The following GMDS variants were observed in gnomAD, a reference collection of about 807,000 sequenced individuals.
GMDS encodes the protein GDP-mannose 4,6 dehydratase.
GMDS carries 20 observed loss-of-function variants against 49.9 expected under a neutral mutation model. That is an observed-to-expected ratio of 0.40 (90% CI 0.28 to 0.58). The LOEUF is 0.58. Ranked by LOEUF, GMDS falls within the 20% of genes least tolerant of loss-of-function variation. The probability of loss-of-function intolerance (pLI) is 0.42; values close to 1 mark genes in which losing one functional copy is unlikely to be tolerated. For synonymous variants in GMDS, 177 were observed against 178.6 expected (o/e 0.99, Z 0.07); for missense variants, 362 against 481.4 (o/e 0.75, Z 2.32).
At chr6:2,097,771 T>C (rs1278547667) in intron 4 of GMDS, among the ~76,000 whole-genome samples, 4 of 152,166 alleles carry the variant, frequency 2.6e-5, no homozygotes, top group African/African-American at 7.2e-5. Flanking sequence ...GCTGTTTGAC[T>C]GTAGAAAAGA....
intron 1 of GMDS, among the ~76,000 whole-genome samples, chr6:2,169,635 A>AC (rs1447284491): frequency 1.3e-5 from 2 of 151,806 alleles, no homozygotes; most frequent in Non-Finnish European, 2.9e-5. Context: ...AAAAAAAAAA[A>AC]ACAAAAAAAA....
intron 7 of GMDS, among the ~76,000 whole-genome samples, chr6:1,865,216 T>C (rs1464194656): frequency 6.6e-6 from 1 of 152,220 alleles, no homozygotes; most frequent in East Asian, 1.9e-4. Context: ...CCTCTTCATT[T>C]TGTCCTTAAT....
At chr6:2,113,012 C>G (rs187760128) in intron 4 of GMDS, among the ~76,000 whole-genome samples, 20 of 152,250 alleles carry the variant, frequency 1.3e-4, no homozygotes, top group Admixed American at 1.2e-3. Flanking sequence ...CAGCTCTGTA[C>G]CCTAGATCTC....
chr6:2,081,155 T>C (rs1772668878), intron 4 of GMDS, among the ~76,000 whole-genome samples: 1 of 152,134 alleles, frequency 6.6e-6, no homozygotes, highest in South Asian at 2.1e-4. Context: ...TTCTATATTT[T>C]AAACTTTTGA....
intron 4 of GMDS, among the ~76,000 whole-genome samples, chr6:2,024,745 T>C (rs979306947): frequency 6.6e-6 from 1 of 151,890 alleles, no homozygotes; most frequent in Non-Finnish European, 1.5e-5. Flanking sequence ...ATTAACAAGA[T>C]AGAACTCATC....
chr6:2,043,284 C>T (rs1769795976), intron 4 of GMDS: 1 of 152,248 alleles, frequency 6.6e-6, no homozygotes, highest in African/African-American at 2.4e-5. Flanking sequence ...AACAGGGCTC[C>T]TGCAAATCTT....
intron 4 of GMDS, among the ~76,000 whole-genome samples, chr6:2,013,338 C>A (rs1199061915): frequency 2.0e-5 from 3 of 152,098 alleles, no homozygotes; most frequent in African/African-American, 7.2e-5. Context: ...TAAAACCTCA[C>A]ACTAAAAGCT....
chr6:1,897,231 C>T lies in GMDS; in HGVS notation c.771+32872G>A, dbSNP rs2113851437. Reference sequence around the variant, plus strand: ...CCTGTGTCCTCACATGGCCTTTCCTCAGTGTGCACGTACTCCTGGGGTCTC... The same window carrying T: ...CCTGTGTCCTCACATGGCCTTTCCTTAGTGTGCACGTACTCCTGGGGTCTC... On this transcript the variant is annotated intron_variant, in intron 7 of 10. Transcript: ENST00000380815. Among the ~76,000 whole-genome samples the T allele has an allele frequency of 1.3e-5, 2 of 152,324 alleles. 1 individual carries two copies. The highest frequency in any genetic ancestry group is 1.3e-4 in the Admixed American group (2 of 15,304).
intron 7 of GMDS, among the ~76,000 whole-genome samples, chr6:1,801,130 C>T (rs1769933027): frequency 6.6e-6 from 1 of 152,180 alleles, no homozygotes; most frequent in African/African-American, 2.4e-5. Context: ...ATAGCCTGCC[C>T]AGAGCTGTAA....
At position 1,878,919 on chromosome 6, in the gene GMDS, C is replaced by A. The variant is rs116882961; in HGVS notation, c.771+51184G>T. Among the ~76,000 whole-genome samples the A allele has an allele frequency of 3.9e-5, 6 of 152,292 alleles. No individual in the cohort carries two copies. The East Asian group carries it at 1.2e-3, about 29-fold the overall frequency. ...ATATACCTGGGCCCTGAGCTATCAT[C>A]AGCCTCACCACTGGTGATTATACTT... On this transcript the variant is annotated intron_variant, in intron 7 of 10. Transcript: ENST00000380815.
chr6:2,140,040 A>G (rs1581702805), intron 1 of GMDS, among the ~76,000 whole-genome samples: 1 of 152,176 alleles, frequency 6.6e-6, no homozygotes, highest in African/African-American at 2.4e-5. Context: ...TTAATGCAGC[A>G]GGCTAAAAAA....
Position 2,016,286 on chromosome 6 carries a change from G to A in GMDS, c.346-55320C>T, listed in dbSNP as rs138141900. ...AAAAAAAAAAAAGCAGAAAGCAGAC[G>A]ATGAAAAAACAGACAATTGTCCAGA... On this transcript the variant is annotated intron_variant, in intron 4 of 10. Coordinates refer to ENST00000380815, the MANE Select transcript of GMDS (RefSeq NM_001500.4). Among the ~76,000 whole-genome samples the A allele has an allele frequency of 5.0e-3, 748 of 149,680 alleles. 8 individuals are homozygous for A. Among genetic ancestry groups the A allele is most frequent in the African/African-American group, 0.017 (704 of 41,004 alleles).
At chr6:1,837,520 C>A (rs567513727) in intron 7 of GMDS, among the ~76,000 whole-genome samples, 1 of 151,936 alleles carries the variant, frequency 6.6e-6, no homozygotes, top group Non-Finnish European at 1.5e-5. Context: ...TGTGGTGTAC[C>A]CCCGTCCCGA....
At chr6:1,921,148 T>C (rs1761696646) in intron 7 of GMDS, among the ~76,000 whole-genome samples, 1 of 152,246 alleles carries the variant, frequency 6.6e-6, no homozygotes, top group East Asian at 1.9e-4. Flanking sequence ...ACCCATTTTA[T>C]ATGAACATGC....
At chr6:2,016,034 T>C (rs1020443277) in intron 4 of GMDS, among the ~76,000 whole-genome samples, 11 of 84,576 alleles carry the variant, frequency 1.3e-4, no homozygotes, top group Non-Finnish European at 2.6e-4. Context: ...GCCCAGGAAA[T>C]AGAGACCAGC....
rs139146054 is a variant in GMDS at position 2,234,193 on chromosome 6, T to C, written c.102+11128A>G. ...AATCCAATCAGTAGCTAAGTCCTTT[T>C]ATTCTCCTCTCAAACAGCTTTCTTA... On this transcript the variant is annotated intron_variant, in intron 1 of 10. Transcript: ENST00000380815. 5.4e-3 allele frequency among the ~76,000 whole-genome samples: 818 copies of C among 152,314 alleles called. 5 individuals carry two copies. Among genetic ancestry groups the C allele is most frequent in the African/African-American group, 0.019 (781 of 41,558 alleles).
chr6:2,058,594 C>T (rs2127444473), intron 4 of GMDS, among the ~76,000 whole-genome samples: 1 of 152,322 alleles, frequency 6.6e-6, no homozygotes, highest in East Asian at 1.9e-4. Flanking sequence ...TCAAGAATCT[C>T]TCCAACTACC....
intron 4 of GMDS, among the ~76,000 whole-genome samples, chr6:2,002,355 G>T (rs924235971): frequency 6.6e-6 from 1 of 152,180 alleles, no homozygotes; most frequent in Non-Finnish European, 1.5e-5. Context: ...CAGAGATAAG[G>T]CAGGATGAAT....
At chr6:1,697,457 C>G (rs1164860757) in intron 9 of GMDS, among the ~76,000 whole-genome samples, 4 of 152,206 alleles carry the variant, frequency 2.6e-5, no homozygotes, top group Non-Finnish European at 4.4e-5. Context: ...ATCATAGAGT[C>G]TAGGCTGGTA....
Sources: gnomAD v4.1 joint callset for allele counts (sites outside exome capture counted in the v4.1 genomes callset) on GRCh38, gnomAD v4.1.1 for gene constraint, MANE v1.5 for transcripts, NCBI Gene and HGNC (gene_info 2026-07-23, HGNC 2026-07-21) for gene names.